The following CTNNA3 variants were observed in gnomAD, a reference collection of about 807,000 sequenced individuals.
The protein encoded by CTNNA3 is catenin alpha-3.
A neutral mutation model predicts 95.7 loss-of-function variants in CTNNA3; 76 were observed. The observed-to-expected ratio is 0.79, with a 90% confidence interval of 0.66 to 0.96. CTNNA3 has a LOEUF of 0.96. CTNNA3 is among the 40% of genes least tolerant of loss of function. The pLI, the probability that CTNNA3 is intolerant of heterozygous loss-of-function variation, is 0.00. For missense variants in CTNNA3, 1,191 were observed against 1,089.8 expected, an observed-to-expected ratio of 1.09 and a Z score of -1.31; for synonymous variants, 431 against 374.4, an observed-to-expected ratio of 1.15 and a Z score of -1.74.
rs1841277956 is a variant in CTNNA3 at position 67,732,058 on chromosome 10, G to A, written c.-2+31376C>T. Among the ~76,000 whole-genome samples the A allele has an allele frequency of 1.3e-5, 2 of 151,144 alleles. 1 individual carries two copies. The highest frequency in any genetic ancestry group is 4.2e-4 in the South Asian group (2 of 4,794). ...GCCTCCCAAAGTGCTGAGATTACAGGCGTGAGCCATCATGCCTGGCCCATC... is the reference window on the plus strand; with the variant it reads ...GCCTCCCAAAGTGCTGAGATTACAGACGTGAGCCATCATGCCTGGCCCATC... On this transcript the variant is annotated intron_variant, in intron 1 of 17. Coordinates refer to the CTNNA3 transcript ENST00000684154.
chr10:66,605,227 T>G (rs1844076848), intron 10 of CTNNA3, among the ~76,000 whole-genome samples: 1 of 152,046 alleles, frequency 6.6e-6, no homozygotes, highest in Non-Finnish European at 1.5e-5. Context: ...AAGACTAGCT[T>G]TCTAAAATAA....
intron 6 of CTNNA3, among the ~76,000 whole-genome samples, chr10:67,197,308 A>G (rs1163112614): frequency 1.3e-5 from 2 of 152,130 alleles, no homozygotes; most frequent in Non-Finnish European, 2.9e-5. Context: ...ACAGGGGGCA[A>G]GTGGAAAAAA....
chr10:65,950,910 A>C (rs2077599059), intron 17 of CTNNA3, among the ~76,000 whole-genome samples: 1 of 151,500 alleles, frequency 6.6e-6, no homozygotes, highest in Non-Finnish European at 1.5e-5. Context: ...TGCTTCATCC[A>C]GATTTTTTTT....
intron 14 of CTNNA3, among the ~76,000 whole-genome samples, chr10:66,075,809 G>GT (rs1019449055): frequency 3.1e-4 from 47 of 151,638 alleles, no homozygotes; most frequent in Admixed American, 3.0e-3. Context: ...CAGTCCATGT[G>GT]TCTTCATTAG....
At chr10:67,468,964 G>T (rs189517298) in intron 5 of CTNNA3, among the ~76,000 whole-genome samples, 2 of 152,100 alleles carry the variant, frequency 1.3e-5, no homozygotes, top group African/African-American at 4.8e-5. Context: ...ACTTGCATTC[G>T]TATAAGGAAG....
At chr10:67,507,400 C>T (rs530999509) in intron 5 of CTNNA3, among the ~76,000 whole-genome samples, 10 of 151,886 alleles carry the variant, frequency 6.6e-5, no homozygotes, top group South Asian at 6.2e-4. Flanking sequence ...TGGTGGCACA[C>T]GCCTGTAATC....
chr10:66,451,899 A>ATGG (rs1168979360), intron 11 of CTNNA3, among the ~76,000 whole-genome samples: 11 of 152,204 alleles, frequency 7.2e-5, no homozygotes. Context: ...ATCTATAAGC[A>ATGG]TGGTCCACAG....
chr10:67,573,852 TGATTA>T (rs1285994548), intron 3 of CTNNA3, among the ~76,000 whole-genome samples: 4 of 152,166 alleles, frequency 2.6e-5, no homozygotes, highest in Non-Finnish European at 5.9e-5. Context: ...AAATAAGTTC[TGATTA>T]CTGACTTCAA....
intron 9 of CTNNA3, among the ~76,000 whole-genome samples, chr10:66,682,042 T>A (rs1010658255): frequency 6.6e-6 from 1 of 152,188 alleles, no homozygotes; most frequent in Non-Finnish European, 1.5e-5. Context: ...GTAGTGAGTG[T>A]CAGTAGCACC....
At chr10:67,576,109 T>C (rs1473641044) in intron 3 of CTNNA3, among the ~76,000 whole-genome samples, 1 of 152,156 alleles carries the variant, frequency 6.6e-6, no homozygotes, top group African/African-American at 2.4e-5. Context: ...TGCATTGATA[T>C]GTGAGGAATC....
intron 17 of CTNNA3, among the ~76,000 whole-genome samples, chr10:65,923,673 T>A (rs1049232061): frequency 2.0e-5 from 3 of 152,188 alleles, no homozygotes; most frequent in Non-Finnish European, 4.4e-5. Context: ...ATATGAAGAA[T>A]CATTCCAATG....
At chr10:66,013,746 TA>T (rs1475648768) in intron 15 of CTNNA3, among the ~76,000 whole-genome samples, 1 of 152,222 alleles carries the variant, frequency 6.6e-6, no homozygotes, top group African/African-American at 2.4e-5. Flanking sequence ...CCAAGTTTTT[TA>T]GATTTTGTGT....
chr10:66,274,813 T>C (rs1416239729), intron 13 of CTNNA3, among the ~76,000 whole-genome samples: 1 of 152,178 alleles, frequency 6.6e-6, no homozygotes. Flanking sequence ...AATCAATCTG[T>C]AAGTCAATCT....
At chr10:66,830,715 T>C (rs549306477) in intron 7 of CTNNA3, among the ~76,000 whole-genome samples, 17 of 152,192 alleles carry the variant, frequency 1.1e-4, no homozygotes, top group South Asian at 2.1e-4. Flanking sequence ...GTTCCCGCCA[T>C]TCTCCTGCCT....
intron 7 of CTNNA3, among the ~76,000 whole-genome samples, chr10:66,850,254 A>G (rs573971688): frequency 1.3e-5 from 2 of 152,286 alleles, no homozygotes; most frequent in East Asian, 3.9e-4. Context: ...TTCACAGAGT[A>G]TCAGTTTTGA....
rs76259544 is a variant in CTNNA3, at chr10:67,289,785, T to C, written c.580-69915A>G. Among the ~76,000 whole-genome samples the C allele has an allele frequency of 4.0e-3, 549 of 136,902 alleles. 16 individuals are homozygous for C. The East Asian group carries it at 0.076, about 19-fold the overall frequency. 89.8% of individuals were successfully genotyped at this position (136,902 alleles called of 152,430 possible). The stretch of plus-strand genomic sequence containing the variant: ...ATGGATGGATGGATGGATGGACGGA[T>C]GGATGGATGGTTGATGGATGGATTT... On this transcript the variant is annotated intron_variant, in intron 5 of 17. Coordinates refer to ENST00000433211, the MANE Select transcript of CTNNA3 (RefSeq NM_013266.4).
intron 2 of CTNNA3, among the ~76,000 whole-genome samples, chr10:67,643,418 G>C (rs1434238060): frequency 6.6e-6 from 1 of 151,930 alleles, no homozygotes; most frequent in Non-Finnish European, 1.5e-5. Flanking sequence ...CATGGCACGT[G>C]TTTACCTATG....
chr10:67,049,660 G>A (rs1854961857), intron 7 of CTNNA3, among the ~76,000 whole-genome samples: 1 of 152,052 alleles, frequency 6.6e-6, no homozygotes, highest in Non-Finnish European at 1.5e-5. Context: ...GAATTTTCAG[G>A]GGTAGAATTT....
In CTNNA3 at chr10:65,916,964, T is replaced by C. The variant is rs1452911359; in HGVS notation, c.*3366A>G. ...AATTATTTGGTCTGAAGGCCCAAGTTGCGCACTTAATTGTATATTCACAAT... is the reference window on the plus strand; with the variant it reads ...AATTATTTGGTCTGAAGGCCCAAGTCGCGCACTTAATTGTATATTCACAAT... On this transcript the variant is annotated 3_prime_UTR_variant, in exon 18 of 18. Coordinates refer to ENST00000433211, the MANE Select transcript of CTNNA3 (RefSeq NM_013266.4). 1 of 152,184 alleles carries C rather than the reference T, an allele frequency of 6.6e-6. No homozygotes were observed. Among genetic ancestry groups the C allele is most frequent in the Non-Finnish European group, 1.5e-5 (1 of 68,042 alleles). 9.4% of individuals were successfully genotyped at this position (152,184 alleles called of 1,614,324 possible). A position where few individuals can be genotyped will look rare whatever the true frequency, so the allele number is the denominator to read the frequency against.
Sources: gnomAD v4.1 joint callset for allele counts (sites outside exome capture counted in the v4.1 genomes callset) on GRCh38, gnomAD v4.1.1 for gene constraint, MANE v1.5 for transcripts, NCBI Gene and HGNC (gene_info 2026-07-23, HGNC 2026-07-21) for gene names.